CFI: variants seen among roughly 807,000 people sequenced by gnomAD.
CFI encodes C3B/C4B inactivator.
Under a neutral mutation model 78.8 loss-of-function variants are expected in CFI, and 66 were observed. The ratio of observed to expected loss-of-function variants is 0.84; its 90% CI spans 0.69 to 1.03. The LOEUF (loss-of-function observed/expected upper bound fraction) is 1.03, where lower values mean the gene tolerates loss of function less well. Ranked by LOEUF, CFI falls within the 50% of genes least tolerant of loss-of-function variation. The probability of loss-of-function intolerance (pLI) is 0.00; values close to 1 mark genes in which losing one functional copy is unlikely to be tolerated. For synonymous variants in CFI, 250 were observed against 232.6 expected (o/e 1.07, Z -0.68); for missense variants, 706 against 704.5 (o/e 1.00, Z -0.02).
intron 1 of CFI, among the ~76,000 whole-genome samples, chr4:109,778,000 T>C (rs534902126): frequency 6.6e-6 from 1 of 151,840 alleles, no homozygotes; most frequent in South Asian, 2.1e-4. Context: ...GAGCGAAATT[T>C]ATAGCACTAA....
At chr4:109,760,010 C>G (rs1253970450) in intron 6 of CFI, 1 of 609,022 alleles carries the variant, frequency 1.6e-6, no homozygotes, top group Middle Eastern at 3.7e-4. Flanking sequence ...AAAATGGGTA[C>G]TTAAGGATTG....
At chr4:109,781,380 A>G (rs549002088) in intron 1 of CFI, among the ~76,000 whole-genome samples, 55 of 152,328 alleles carry the variant, frequency 3.6e-4, no homozygotes, top group African/African-American at 1.2e-3. Context: ...GCTACTATGA[A>G]CATCTTTACG....
intron 1 of CFI, among the ~76,000 whole-genome samples, chr4:109,776,489 C>T (rs1345331115): frequency 6.6e-6 from 1 of 152,184 alleles, no homozygotes; most frequent in Admixed American, 6.5e-5. Flanking sequence ...AACAAATCTA[C>T]ATCTGATTGA....
intron 1 of CFI, among the ~76,000 whole-genome samples, chr4:109,768,591 G>A (rs1479073764): frequency 1.3e-5 from 2 of 152,134 alleles, no homozygotes; most frequent in African/African-American, 4.8e-5. Flanking sequence ...TGAGGGCTGG[G>A]AACAGGCCAA....
rs543726793 is a variant in CFI at position 109,790,109 on chromosome 4, C to T, written c.57+11806G>A. ...TCTAATTTGCTGGCATATAATTGCT[C>T]ATAGCATTCTCTTATCATTCTTATT... is the stretch of plus-strand genomic sequence containing the variant. On this transcript the variant is annotated intron_variant, in intron 1 of 12. Coordinates refer to ENST00000394634, the MANE Select transcript of CFI (RefSeq NM_000204.5). Among the ~76,000 whole-genome samples, 114 of 152,086 alleles carry T rather than the reference C, an allele frequency of 7.5e-4. 2 individuals are homozygous for T. Among genetic ancestry groups the T allele is most frequent in the African/African-American group, 2.4e-3 (98 of 41,532 alleles).
At chr4:109,731,641 G>A in the CFI span, among the ~76,000 whole-genome samples, 1 of 152,174 alleles carries the variant, frequency 6.6e-6, no homozygotes, top group Non-Finnish European at 1.5e-5. Flanking sequence ...CCCAACAAAC[G>A]GTGTAGCTCC....
chr4:109,799,965 A>G (rs1732553629), intron 1 of CFI, among the ~76,000 whole-genome samples: 1 of 152,186 alleles, frequency 6.6e-6, no homozygotes, highest in South Asian at 2.1e-4. Context: ...ACATTTTCTT[A>G]GGTGCTATAA....
downstream of CFI, among the ~76,000 whole-genome samples, chr4:109,736,196 G>A (rs1420829976): frequency 1.3e-5 from 2 of 152,062 alleles, no homozygotes; most frequent in East Asian, 3.9e-4. Flanking sequence ...TTATGTTGAG[G>A]GAGTGCTGGG....
At chr4:109,755,126 T>C (rs1268358113) in intron 7 of CFI, among the ~76,000 whole-genome samples, 1 of 152,112 alleles carries the variant, frequency 6.6e-6, no homozygotes, top group Non-Finnish European at 1.5e-5. Flanking sequence ...GCAAAGGATG[T>C]GAACCAGTGA....
intron 1 of CFI, among the ~76,000 whole-genome samples, chr4:109,771,713 C>CAA (rs1728619964): frequency 7.7e-5 from 2 of 25,902 alleles, no homozygotes; most frequent in Non-Finnish European, 6.4e-5. Flanking sequence ...GACTCCATCA[C>CAA]CAAAAAAAAA....
At chr4:109,761,746 A>G in intron 3 of CFI, 54 bp from the exon 4 acceptor site, 2 of 1,415,948 alleles carry the variant, frequency 1.4e-6, no homozygotes, top group Non-Finnish European at 9.9e-7. Flanking sequence ...CTTTGCATTT[A>G]TAACCCTACT....
intron 1 of CFI, among the ~76,000 whole-genome samples, chr4:109,775,427 G>A (rs150853798): frequency 6.5e-4 from 99 of 152,340 alleles, no homozygotes; most frequent in African/African-American, 2.2e-3. Context: ...AGATCAAACT[G>A]CAAGGTGGCA....
chr4:109,768,958 A>G (rs890191966), intron 1 of CFI, among the ~76,000 whole-genome samples: 1 of 152,208 alleles, frequency 6.6e-6, no homozygotes, highest in South Asian at 2.1e-4. Context: ...ACAGTGATCT[A>G]GAATGAAATA....
At chr4:109,758,687 T>C (rs1726627592) in intron 6 of CFI, among the ~76,000 whole-genome samples, 1 of 152,216 alleles carries the variant, frequency 6.6e-6, no homozygotes, top group Admixed American at 6.5e-5. Flanking sequence ...TGGGGCACTT[T>C]GAAATGGACA....
intron 1 of CFI, among the ~76,000 whole-genome samples, chr4:109,776,641 G>T (rs923934642): frequency 6.6e-6 from 1 of 152,130 alleles, no homozygotes; most frequent in African/African-American, 2.4e-5. Flanking sequence ...GATACTCCTC[G>T]AGAAGAGCAA....
chr4:109,769,920 G>A (rs1028706283), intron 1 of CFI, among the ~76,000 whole-genome samples: 1 of 152,152 alleles, frequency 6.6e-6, no homozygotes, highest in Non-Finnish European at 1.5e-5. Flanking sequence ...TATGGGTCAA[G>A]TACTAGTTCT....
At chr4:109,768,196 T>G (rs556997066) in intron 1 of CFI, among the ~76,000 whole-genome samples, 1 of 143,290 alleles carries the variant, frequency 7.0e-6, no homozygotes, top group African/African-American at 2.6e-5. Context: ...GACGAGTTAC[T>G]GGGTGCAGCA....
At chr4:109,797,678 C>A (rs908291511) in intron 1 of CFI, among the ~76,000 whole-genome samples, 1 of 152,156 alleles carries the variant, frequency 6.6e-6, no homozygotes, top group African/African-American at 2.4e-5. Flanking sequence ...AAGTTAATAT[C>A]TATCTAAAAT....
At chr4:109,801,630 AT>A (rs1732781783) in intron 1 of CFI, among the ~76,000 whole-genome samples, 1 of 152,192 alleles carries the variant, frequency 6.6e-6, no homozygotes. Flanking sequence ...CCTGGTAAAT[AT>A]TTTTGATTTA....
Sources: gnomAD v4.1 joint callset for allele counts (sites outside exome capture counted in the v4.1 genomes callset) on GRCh38, gnomAD v4.1.1 for gene constraint, MANE v1.5 for transcripts, NCBI Gene and HGNC (gene_info 2026-07-23, HGNC 2026-07-21) for gene names.